Variants in TMEM87B observed in about 807,000 individuals in gnomAD.
TMEM87B encodes the protein transmembrane protein 87B.
A neutral mutation model predicts 80.3 loss-of-function variants in TMEM87B; 83 were observed. That is an observed-to-expected ratio of 1.03 (90% CI 0.87 to 1.24). The LOEUF (loss-of-function observed/expected upper bound fraction) is 1.24. Ranked by LOEUF, TMEM87B falls within the 50% of genes most tolerant of loss-of-function variation. The probability of loss-of-function intolerance (pLI) is 0.00; values close to 1 mark genes in which losing one functional copy is unlikely to be tolerated. For synonymous variants in TMEM87B, 219 were observed against 230.5 expected, an observed-to-expected ratio of 0.95 and a Z score of 0.45; for missense variants, 625 against 674.4, an observed-to-expected ratio of 0.93 and a Z score of 0.81.
intron 14 of TMEM87B, 86 bp from the exon 15 acceptor site, chr2:112,100,536 T>C: frequency 1.2e-6 from 1 of 809,888 alleles, no homozygotes; most frequent in South Asian, 1.9e-5. Context: ...TAAATGTAGA[T>C]TTTTTATACA....
At chr2:112,104,065 T>C (rs1679700909) in intron 15 of TMEM87B, among the ~76,000 whole-genome samples, 1 of 152,188 alleles carries the variant, frequency 6.6e-6, no homozygotes. Context: ...CATTAGACTT[T>C]TGTTGCACAT....
intron 9 of TMEM87B, 114 bp downstream of exon 9, chr2:112,086,218 G>T: frequency 1.4e-6 from 1 of 695,112 alleles, no homozygotes; most frequent in Non-Finnish European, 2.2e-6. Flanking sequence ...AATCCCTTTG[G>T]GAAAAATCTA....
At chr2:112,070,216 C>T (rs1251916503) in intron 4 of TMEM87B, among the ~76,000 whole-genome samples, 1 of 152,032 alleles carries the variant, frequency 6.6e-6, no homozygotes, top group Admixed American at 6.6e-5. Context: ...GTTGCAATTG[C>T]TTTTTTGGCA....
Position 112,067,049 on chromosome 2 carries a change from G to A in TMEM87B, c.432G>A (p.Gln144=). 6.2e-7 allele frequency: 1 copy of A among 1,610,714 alleles called. No homozygotes were observed. Among genetic ancestry groups the A allele is most frequent in the Non-Finnish European group, 8.5e-7 (1 of 1,179,130 alleles). The change falls in exon 4 of 19, where the codon CAG becomes CAA. Residue 144 remains glutamine, a synonymous_variant. Transcript: ENST00000283206. ...NENLDCNSDS[Q]VFPSLNNKEL... ...ACTTAGATTGCAACAGTGATTCACA[G>A]GTGTTTCCCTCTTTGAATGTGAGTA...
intron 8 of TMEM87B, among the ~76,000 whole-genome samples, chr2:112,085,704 A>G (rs1267288306): frequency 2.6e-5 from 4 of 152,350 alleles, no homozygotes; most frequent in Non-Finnish European, 4.4e-5. Context: ...ACAGGACAAG[A>G]AGAGAGAGTT....
intron 10 of TMEM87B, among the ~76,000 whole-genome samples, chr2:112,090,373 T>G (rs935635193): frequency 7.4e-6 from 1 of 135,696 alleles, no homozygotes; most frequent in Admixed American, 7.5e-5. Context: ...GTTGTCTCAT[T>G]GGTTGATTGG....
intron 13 of TMEM87B, among the ~76,000 whole-genome samples, chr2:112,098,388 A>T (rs1679534107): frequency 6.6e-6 from 1 of 152,176 alleles, no homozygotes; most frequent in African/African-American, 2.4e-5. Context: ...CAAAAATTTT[A>T]TGGCAGGGAA....
intron 17 of TMEM87B, among the ~76,000 whole-genome samples, chr2:112,110,214 ATGT>A (rs374405324): frequency 5.3e-5 from 8 of 151,798 alleles, no homozygotes; most frequent in African/African-American, 1.7e-4. Flanking sequence ...TTCATTTTCT[ATGT>A]TGTTTTCCTA....
At chr2:112,074,275 A>T (rs1214583350) in intron 4 of TMEM87B, among the ~76,000 whole-genome samples, 1 of 152,140 alleles carries the variant, frequency 6.6e-6, no homozygotes, top group African/African-American at 2.4e-5. Flanking sequence ...GAATTCCCTC[A>T]GCATTTGCTT....
chr2:112,058,717 G>C (rs1036173666), intron 1 of TMEM87B, among the ~76,000 whole-genome samples: 9 of 152,216 alleles, frequency 5.9e-5, no homozygotes, highest in African/African-American at 2.2e-4. Flanking sequence ...TATAGGATCA[G>C]ATCTGGAGGT....
In TMEM87B at chr2:112,055,672, C is replaced by T; in HGVS notation, c.81C>T (p.Arg27=). The T allele has an allele frequency of 6.3e-7, 1 of 1,585,564 alleles. No individual in the cohort carries two copies. ...RCFPARAPLL[R]VALCLLCWTP... ...TTCCCGCCCGGGCCCCGCTGCTGCGCGTCGCCCTCTGCCTCCTGTGCTGGA... is the reference window on the plus strand; with the variant it reads ...TTCCCGCCCGGGCCCCGCTGCTGCGTGTCGCCCTCTGCCTCCTGTGCTGGA... The change falls in exon 1 of 19, where the codon CGC becomes CGT. Residue 27 remains arginine, a synonymous_variant. Coordinates refer to ENST00000283206, the MANE Select transcript of TMEM87B (RefSeq NM_032824.3).
At chr2:112,106,226 G>A (rs1679761769) in intron 16 of TMEM87B, 151 bp downstream of exon 16, 1 of 535,210 alleles carries the variant, frequency 1.9e-6, no homozygotes, top group Admixed American at 3.1e-5. Context: ...GTTGCCAAGT[G>A]CCAAGTAGCA....
At chr2:112,095,473 A>G (rs1679440117) in intron 11 of TMEM87B, 1 of 975,014 alleles carries the variant, frequency 1.0e-6, no homozygotes, top group African/African-American at 1.8e-5. Context: ...TCCTTAGCTT[A>G]AAAACATTTT....
At chr2:112,056,519 A>G (rs1309080045) in intron 1 of TMEM87B, among the ~76,000 whole-genome samples, 1 of 152,136 alleles carries the variant, frequency 6.6e-6, no homozygotes, top group South Asian at 2.1e-4. Flanking sequence ...AATTATGGAA[A>G]GTCTTGCAAA....
At chr2:112,102,710 A>C (rs1167003049) in intron 15 of TMEM87B, among the ~76,000 whole-genome samples, 1 of 151,960 alleles carries the variant, frequency 6.6e-6, no homozygotes, top group Non-Finnish European at 1.5e-5. Context: ...AAATAAATAA[A>C]AATAAAAATA....
intron 9 of TMEM87B, 108 bp downstream of exon 9, chr2:112,086,212 C>T (rs1467890100): frequency 6.6e-6 from 5 of 756,454 alleles, no homozygotes; most frequent in Non-Finnish European, 1.0e-5. Flanking sequence ...AGTACAAATC[C>T]CTTTGGGAAA....
chr2:112,088,339 G>T (rs771080945), intron 9 of TMEM87B, among the ~76,000 whole-genome samples: 2 of 152,206 alleles, frequency 1.3e-5, no homozygotes, highest in African/African-American at 4.8e-5. Flanking sequence ...AATGGGTACA[G>T]ATACAAACCC....
rs1244465943 is a variant in TMEM87B, at chr2:112,089,660, G to C, written c.974G>C (p.Gly325Ala). The C allele has an allele frequency of 3.1e-6, 5 of 1,614,024 alleles. No homozygotes were observed. In the African/African-American group the frequency reaches 4.0e-5, roughly 13 times the overall value. Residue 325 changes from glycine to alanine, a missense_variant, in exon 10 of 19, where the codon GGA (glycine) becomes GCA (alanine). Physicochemically the swap from Gly to Ala is moderately conservative, Grantham distance 60. Coordinates refer to ENST00000283206, the MANE Select transcript of TMEM87B (RefSeq NM_032824.3). The stretch of plus-strand genomic sequence containing the variant: ...GGAACAGTCATGCACCGGGTGATCG[G>C]ACTGGGGCTTCTATACTTAATCTTT... ...RLGTVMHRVI[G>A]LGLLYLIFAA...
chr2:112,113,042 C>A, intron 18 of TMEM87B, 113 bp downstream of exon 18: 2 of 949,110 alleles, frequency 2.1e-6, no homozygotes, highest in Admixed American at 2.4e-5. Context: ...ATTGAACAGA[C>A]AGAAAGATGC....
Sources: allele counts gnomAD v4.1 joint callset (sites outside exome capture counted in the v4.1 genomes callset), GRCh38; gene constraint gnomAD v4.1.1; transcripts MANE v1.5; gene names NCBI Gene and HGNC (gene_info 2026-07-23, HGNC 2026-07-21).